Variants in NUS1 observed in about 807,000 individuals in gnomAD.
NUS1 encodes the protein NUS1 dehydrodolichyl diphosphate synthase subunit.
For missense variants in NUS1, 292 were observed against 382.9 expected, an observed-to-expected ratio of 0.76 and a Z score of 1.98; for synonymous variants, 135 against 155.2, an observed-to-expected ratio of 0.87 and a Z score of 0.97.
chr6:117,678,848 A>G (rs1347407541), intron 1 of NUS1, among the ~76,000 whole-genome samples: 2 of 151,714 alleles, frequency 1.3e-5, no homozygotes, highest in African/African-American at 4.8e-5. Flanking sequence ...CGCCCTGCTA[A>G]TTTTTGTATT....
chr6:117,694,216 T>A, intron 3 of NUS1, 36 bp downstream of exon 3: 1 of 1,206,864 alleles, frequency 8.3e-7, no homozygotes, highest in Non-Finnish European at 1.1e-6. Flanking sequence ...TATATATGTA[T>A]ATGTATGTGT....
chr6:117,696,143 A>G (rs1237503349), intron 3 of NUS1, among the ~76,000 whole-genome samples: 1 of 152,084 alleles, frequency 6.6e-6, no homozygotes, highest in East Asian at 1.9e-4. Flanking sequence ...TGCAGTTGAC[A>G]TACTGAAAAT....
intron 1 of NUS1, among the ~76,000 whole-genome samples, chr6:117,690,390 C>G (rs1773197982): frequency 6.6e-6 from 1 of 151,976 alleles, no homozygotes. Context: ...TATGGCTGTC[C>G]CACGTTAAGG....
chr6:117,685,967 A>G (rs1246270402), intron 1 of NUS1, among the ~76,000 whole-genome samples: 2 of 148,712 alleles, frequency 1.3e-5, no homozygotes, highest in African/African-American at 2.5e-5. Context: ...GTCTCATTAA[A>G]AAAAAAAAAA....
In NUS1 at chr6:117,709,820, C is replaced by T. The variant is rs934880789; in HGVS notation, c.*2805C>T. 7.2e-5 allele frequency: 11 copies of T among 152,390 alleles called. No homozygotes were observed. Among genetic ancestry groups the T allele is most frequent in the Admixed American group, 6.6e-4 (10 of 15,256 alleles). 9.4% of individuals were successfully genotyped at this position (152,390 alleles called of 1,614,324 possible). On this transcript the variant is annotated 3_prime_UTR_variant, in exon 5 of 5. Coordinates refer to ENST00000368494, the MANE Select transcript of NUS1 (RefSeq NM_138459.5). ...TAAAAGAATATACTCTTTTCATTGA[C>T]TATAGTATTATGTGAATGCTACATT...
Position 117,693,045 on chromosome 6 carries a change from T to A in NUS1, c.419T>A (p.Ile140Asn). ...SYISVYDHQG[I>N]FKRNNSRLMD... ...CTTGCCTTTTTCTTTTTTAAAGGTA[T>A]TTTCAAAAGAAATAATTCCAGATTG... The change falls in exon 2 of 5, where the codon ATT becomes AAT. Residue 140 changes from isoleucine (I) to asparagine (N), a missense_variant. Coordinates refer to ENST00000368494, the MANE Select transcript of NUS1 (RefSeq NM_138459.5). The A allele has an allele frequency of 6.2e-7, 1 of 1,603,488 alleles. No individual in the cohort carries two copies. Among genetic ancestry groups the A allele is most frequent in the East Asian group, 2.2e-5 (1 of 44,692 alleles).
rs1178833874 is a variant in NUS1, at chr6:117,675,536, A to C, written c.-135A>C. ...GGCGGGGGCGAGGTGAGGTGTTGGC[A>C]GTGGAAAGGGGTTCGGGCTCGGGGG... is the stretch of plus-strand genomic sequence containing the variant. On this transcript the variant is annotated 5_prime_UTR_variant, in exon 1 of 5. Transcript: ENST00000368494. The C allele has an allele frequency of 7.4e-6, 6 of 811,334 alleles. No homozygotes were observed. The highest frequency in any genetic ancestry group is 9.4e-6 in the Non-Finnish European group (5 of 532,880). 50.3% of individuals were successfully genotyped at this position (811,334 alleles called of 1,614,324 possible). A position where few individuals can be genotyped will look rare whatever the true frequency, so the allele number is the denominator to read the frequency against.
intron 3 of NUS1, 50 bp from the exon 4 acceptor site, chr6:117,703,555 T>C (rs1464960887): frequency 8.3e-7 from 1 of 1,202,998 alleles, no homozygotes; most frequent in African/African-American, 1.5e-5. Flanking sequence ...TGTGTGTGTG[T>C]GTGCACATGC....
At chr6:117,688,174 T>C (rs979057658) in intron 1 of NUS1, among the ~76,000 whole-genome samples, 1 of 152,210 alleles carries the variant, frequency 6.6e-6, no homozygotes, top group Non-Finnish European at 1.5e-5. Context: ...TCAGCTATGA[T>C]AGCCCCACTG....
Position 117,703,668 on chromosome 6 carries a change from G to C in NUS1, c.755G>C (p.Gly252Ala). The C allele has an allele frequency of 6.2e-7, 1 of 1,613,630 alleles. No homozygotes were observed. The highest frequency in any genetic ancestry group is 8.5e-7 in the Non-Finnish European group (1 of 1,179,582). ...LKFGPVDSTL[G>A]FLPWHIRLTE... ...TTCGGTCCTGTGGACAGCACATTAG[G>C]CTTTCTTCCCTGGCACATCAGATTG... The change falls in exon 4 of 5, where the codon GGC (glycine) becomes GCC (alanine). Residue 252 changes from glycine to alanine, a missense_variant. Gly to Ala is a moderately conservative substitution (Grantham distance 60). Transcript: ENST00000368494.
chr6:117,676,181 CCT>C lies in NUS1; in HGVS notation c.415+101_415+102del, dbSNP rs373950397. On this transcript the variant is annotated intron_variant, in intron 1 of 4. Transcript: ENST00000368494. ...GTGCCCATGGCACGAGTTGCCGCGGCCTCTCTGCAAATCACAGCGCTAGCGCT... is the reference window on the plus strand; with the variant it reads ...GTGCCCATGGCACGAGTTGCCGCGGCCTCTGCAAATCACAGCGCTAGCGCT... The C allele has an allele frequency of 6.3e-4, 964 of 1,529,440 alleles. 5 individuals carry two copies. In the African/African-American group the frequency reaches 0.012, roughly 18 times the overall value. The allele number at this position is 1,529,440 out of a possible 1,614,324, so 94.7% of individuals were successfully genotyped here.
chr6:117,706,353 C>T (rs1428472595), intron 4 of NUS1, among the ~76,000 whole-genome samples: 2 of 152,076 alleles, frequency 1.3e-5, no homozygotes, highest in Admixed American at 6.6e-5. Flanking sequence ...GCATGGCTTT[C>T]CTAAACTAAG....
chr6:117,686,850 GTA>G lies in NUS1; in HGVS notation c.416-6190_416-6189del, dbSNP rs755764144. 1.1e-3 allele frequency among the ~76,000 whole-genome samples: 96 copies of G among 84,458 alleles called. 1 individual carries two copies. Among genetic ancestry groups the G allele is most frequent in the African/African-American group, 3.0e-3 (54 of 18,236 alleles). The allele number at this position is 84,458 out of a possible 152,430, so 55.4% of individuals were successfully genotyped here. ...ATTTCTTGTGTATCATGTGAAGTGT[GTA>G]TGTGTGTGTGTGTGTGTGTGTGTGT... On this transcript the variant is annotated intron_variant, in intron 1 of 4. Coordinates refer to ENST00000368494, the MANE Select transcript of NUS1 (RefSeq NM_138459.5).
At position 117,675,748 on chromosome 6, in the gene NUS1, C is replaced by T. The variant is rs1368112034; in HGVS notation, c.78C>T (p.Leu26=). The change falls in exon 1 of 5, where the codon CTC becomes CTT. Residue 26 remains leucine (L), a synonymous_variant. Coordinates refer to ENST00000368494, the MANE Select transcript of NUS1 (RefSeq NM_138459.5). ...TGCACCGCACGCTCACCTCCTGGCT[C>T]CGCGTTCGGTTCGGCACCTGGAACT... ...LCLHRTLTSW[L]RVRFGTWNWI... 4 of 1,548,984 alleles carry T rather than the reference C, an allele frequency of 2.6e-6. No individual in the cohort carries two copies. Among genetic ancestry groups the T allele is most frequent in the Non-Finnish European group, 3.5e-6 (4 of 1,151,434 alleles).
intron 1 of NUS1, among the ~76,000 whole-genome samples, chr6:117,685,122 G>T (rs1773117680): frequency 6.6e-6 from 1 of 152,168 alleles, no homozygotes; most frequent in South Asian, 2.1e-4. Flanking sequence ...AATCTAAAAT[G>T]AAGTCTTCAT....
intron 1 of NUS1, among the ~76,000 whole-genome samples, chr6:117,677,555 T>G (rs1582462603): frequency 1.3e-5 from 2 of 152,342 alleles, no homozygotes; most frequent in East Asian, 3.9e-4. Flanking sequence ...GAGGCATACA[T>G]CTTTGTCAGA....
chr6:117,697,542 A>T (rs1466580032), intron 3 of NUS1, among the ~76,000 whole-genome samples: 1 of 152,018 alleles, frequency 6.6e-6, no homozygotes, highest in Non-Finnish European at 1.5e-5. Context: ...CAAGACAAAA[A>T]CTCTAAGAAG....
chr6:117,676,677 A>G (rs1327040398), intron 1 of NUS1, among the ~76,000 whole-genome samples: 1 of 152,284 alleles, frequency 6.6e-6, no homozygotes, highest in Non-Finnish European at 1.5e-5. Flanking sequence ...GCCAAGGTTT[A>G]AAAACATTAA....
In NUS1 at chr6:117,676,021, C is replaced by G. The variant is rs1344911571; in HGVS notation, c.351C>G (p.Ile117Met). The change falls in exon 1 of 5, where the codon ATC (isoleucine) becomes ATG (methionine). Residue 117 changes from isoleucine (I) to methionine (M), a missense_variant. Ile to Met is a conservative substitution (Grantham distance 10, BLOSUM62 1). Coordinates refer to ENST00000368494, the MANE Select transcript of NUS1 (RefSeq NM_138459.5). ...EVEQEPSFSDIASLVVWCMAV... is the reference protein window; with the variant it reads ...EVEQEPSFSDMASLVVWCMAV... ...AGCAGGAACCCAGCTTCTCGGACATCGCGAGCCTCGTGGTGTGGTGTATGG... is the reference window on the plus strand; with the variant it reads ...AGCAGGAACCCAGCTTCTCGGACATGGCGAGCCTCGTGGTGTGGTGTATGG... 7 of 1,549,814 alleles carry G rather than the reference C, an allele frequency of 4.5e-6. No individual in the cohort carries two copies. In the African/African-American group the frequency reaches 5.5e-5, roughly 12 times the overall value.
Sources: allele counts gnomAD v4.1 joint callset (sites outside exome capture counted in the v4.1 genomes callset), GRCh38; gene constraint gnomAD v4.1.1; transcripts MANE v1.5; gene names NCBI Gene and HGNC (gene_info 2026-07-23, HGNC 2026-07-21).